GRAMD1C: variants seen among roughly 807,000 people sequenced by gnomAD.
GRAMD1C encodes the protein GRAM domain containing 1C, also known as protein Aster-C.
Under a neutral mutation model 97.8 loss-of-function variants are expected in GRAMD1C, and 89 were observed. The ratio of observed to expected loss-of-function variants is 0.91; its 90% CI spans 0.77 to 1.09. The LOEUF is 1.09. GRAMD1C is among the 50% of genes least tolerant of loss of function. GRAMD1C has a pLI of 0.00. For missense variants in GRAMD1C, 740 were observed against 766.4 expected, an observed-to-expected ratio of 0.97 and a Z score of 0.41; for synonymous variants, 256 against 267.0, an observed-to-expected ratio of 0.96 and a Z score of 0.40.
intron 6 of GRAMD1C, among the ~76,000 whole-genome samples, chr3:113,895,716 G>A (rs1220241899): frequency 1.3e-5 from 2 of 152,052 alleles, no homozygotes; most frequent in Non-Finnish European, 2.9e-5. Flanking sequence ...CTTCTTGATT[G>A]TCAGAACTCC....
At chr3:113,876,584 A>G (rs1935044437) in intron 5 of GRAMD1C, among the ~76,000 whole-genome samples, 1 of 152,086 alleles carries the variant, frequency 6.6e-6, no homozygotes, top group African/African-American at 2.4e-5. Flanking sequence ...CACAATAGCA[A>G]CTAATAAAAA....
chr3:113,842,954 C>T (rs2108069242), intron 1 of GRAMD1C, among the ~76,000 whole-genome samples: 1 of 149,176 alleles, frequency 6.7e-6, no homozygotes, highest in East Asian at 2.0e-4. Flanking sequence ...CAGAGTGAGA[C>T]TCTGTTTCAA....
chr3:113,898,846 T>G (rs1469652045), intron 6 of GRAMD1C, among the ~76,000 whole-genome samples: 2 of 152,168 alleles, frequency 1.3e-5, no homozygotes, highest in Non-Finnish European at 2.9e-5. Flanking sequence ...TATCTGATGA[T>G]AATATCTGAA....
chr3:113,898,922 A>G (rs2096454099), intron 6 of GRAMD1C, among the ~76,000 whole-genome samples: 1 of 152,124 alleles, frequency 6.6e-6, no homozygotes, highest in Non-Finnish European at 1.5e-5. Flanking sequence ...CTAGTGGTCT[A>G]AAGTGCAGAC....
At chr3:113,905,810 C>T (rs1936351181) in intron 8 of GRAMD1C, among the ~76,000 whole-genome samples, 1 of 152,092 alleles carries the variant, frequency 6.6e-6, no homozygotes, top group Non-Finnish European at 1.5e-5. Context: ...ATTCTTCTGG[C>T]TCAGCCTCCT....
chr3:113,885,265 G>A (rs1935426070), intron 6 of GRAMD1C: 2 of 1,295,308 alleles, frequency 1.5e-6, no homozygotes, highest in East Asian at 2.5e-5. Context: ...GGCCGTGGGG[G>A]CCTCCGGGGC....
At chr3:113,850,680 C>A (rs1933856820) in intron 2 of GRAMD1C, 1 of 1,596,050 alleles carries the variant, frequency 6.3e-7, no homozygotes, top group Admixed American at 1.7e-5. Context: ...ATGACTCCCT[C>A]CTTAAAAAGG....
chr3:113,919,027 T>C (rs1936938059), intron 10 of GRAMD1C, among the ~76,000 whole-genome samples: 1 of 152,198 alleles, frequency 6.6e-6, no homozygotes, highest in African/African-American at 2.4e-5. Flanking sequence ...AAGGCTCCTT[T>C]TTAAAAATAT....
At chr3:113,839,131 G>T (rs1037591254) in intron 1 of GRAMD1C, among the ~76,000 whole-genome samples, 195 bp downstream of exon 1, 3 of 152,166 alleles carry the variant, frequency 2.0e-5, no homozygotes, top group Admixed American at 1.3e-4. Context: ...CCCTACGGGC[G>T]GTGGTGGGGA....
At chr3:113,888,833 T>G (rs1935608320) in intron 6 of GRAMD1C, among the ~76,000 whole-genome samples, 2 of 152,198 alleles carry the variant, frequency 1.3e-5, no homozygotes, top group Non-Finnish European at 2.9e-5. Context: ...ACCCCAATGT[T>G]CATAGCAGCA....
At chr3:113,910,069 A>C (rs1386672998) in intron 9 of GRAMD1C, among the ~76,000 whole-genome samples, 1 of 152,198 alleles carries the variant, frequency 6.6e-6, no homozygotes, top group Admixed American at 6.5e-5. Flanking sequence ...AAATGATAAT[A>C]ATATTCCATA....
At chr3:113,911,184 A>ACACACACACACACACG (rs1005105896) in intron 9 of GRAMD1C, among the ~76,000 whole-genome samples, 3 of 151,336 alleles carry the variant, frequency 2.0e-5, no homozygotes, top group Non-Finnish European at 2.9e-5. Context: ...ACACACACAC[A>ACACACACACACACACG]CACACGCACA....
chr3:113,829,001 G>C (rs1342885449), intron 1 of GRAMD1C, among the ~76,000 whole-genome samples: 1 of 152,060 alleles, frequency 6.6e-6, no homozygotes, highest in African/African-American at 2.4e-5. Context: ...CATTGGCCTT[G>C]ACACTCTTAT....
rs1935023649 is a variant in GRAMD1C at position 113,876,175 on chromosome 3, C to T, written c.374C>T (p.Ala125Val). 1.3e-6 allele frequency: 2 copies of T among 1,551,944 alleles called. No individual in the cohort carries two copies. The highest frequency in any genetic ancestry group is 1.4e-5 in the African/African-American group (1 of 73,472). Residue 125 changes from alanine (A) to valine (V), a missense_variant, in exon 5 of 18, where the codon GCT becomes GTT. Ala to Val is a moderately conservative substitution (Grantham distance 64). Transcript: ENST00000358160. The stretch of plus-strand genomic sequence containing the variant: ...TTTTTGTGTGTTTAGATTTCTATTG[C>T]TTTAAAGAATATAACCTTCATGACC... ...IFRWETTISI[A>V]LKNITFMTKE...
At chr3:113,868,209 C>T (rs1934657579) in intron 2 of GRAMD1C, among the ~76,000 whole-genome samples, 1 of 152,080 alleles carries the variant, frequency 6.6e-6, no homozygotes, top group Admixed American at 6.6e-5. Flanking sequence ...GTTCTTTAAG[C>T]ATGGTTCTGT....
chr3:113,910,109 C>T (rs1225413320), intron 9 of GRAMD1C, among the ~76,000 whole-genome samples: 2 of 152,024 alleles, frequency 1.3e-5, no homozygotes, highest in African/African-American at 4.8e-5. Flanking sequence ...TTTGGCTGGG[C>T]ACAGTGGCTC....
At chr3:113,829,096 C>T (rs1402562138) in intron 1 of GRAMD1C, among the ~76,000 whole-genome samples, 2 of 152,144 alleles carry the variant, frequency 1.3e-5, no homozygotes, top group African/African-American at 4.8e-5. Context: ...ATCTCCCTTG[C>T]TTCTCTTGTG....
chr3:113,853,877 G>A (rs539455801), intron 2 of GRAMD1C, among the ~76,000 whole-genome samples: 10 of 152,234 alleles, frequency 6.6e-5, no homozygotes, highest in African/African-American at 9.6e-5. Context: ...TGATGGGGGC[G>A]GGTGAGAGAA....
In GRAMD1C at chr3:113,904,154, G is replaced by A. The variant is rs529767349; in HGVS notation, c.671G>A (p.Ser224Asn). Residue 224 changes from serine to asparagine, a missense_variant, in exon 8 of 18, where the codon AGC (serine) becomes AAC (asparagine). Coordinates refer to ENST00000358160, the MANE Select transcript of GRAMD1C (RefSeq NM_017577.5). ...GTTTCTTACAGAAGTCCAGGAAGAA[G>A]CAGCTTGGATGACTCTGGGGAGAGA... is the stretch of plus-strand genomic sequence containing the variant. Reference protein sequence around the residue: ...EDVQPRSPGRSSLDDSGERDE... With the variant: ...EDVQPRSPGRNSLDDSGERDE... The A allele has an allele frequency of 8.7e-6, 14 of 1,609,644 alleles. No individual in the cohort carries two copies. The African/African-American group carries it at 1.9e-4, about 21-fold the overall frequency.
Sources: allele counts gnomAD v4.1 joint callset (sites outside exome capture counted in the v4.1 genomes callset), GRCh38; gene constraint gnomAD v4.1.1; transcripts MANE v1.5; gene names NCBI Gene and HGNC (gene_info 2026-07-23, HGNC 2026-07-21).